Variants in SLC25A21 observed in about 807,000 individuals in gnomAD.
The protein encoded by SLC25A21 is mitochondrial 2-oxodicarboxylate carrier.
Under a neutral mutation model 43.8 loss-of-function variants are expected in SLC25A21, and 47 were observed. That is an observed-to-expected ratio of 1.07 (90% CI 0.85 to 1.37). SLC25A21 has a LOEUF of 1.37. Ranked by LOEUF, SLC25A21 falls within the 40% of genes most tolerant of loss-of-function variation. The pLI, the probability that SLC25A21 is intolerant of heterozygous loss-of-function variation, is 0.00. For missense variants in SLC25A21, 352 were observed against 350.2 expected, an observed-to-expected ratio of 1.00 and a Z score of -0.04; for synonymous variants, 131 against 121.3, an observed-to-expected ratio of 1.08 and a Z score of -0.52.
intron 1 of SLC25A21, among the ~76,000 whole-genome samples, chr14:37,162,877 A>G (rs920453509): frequency 1.3e-5 from 2 of 152,144 alleles, no homozygotes; most frequent in Non-Finnish European, 2.9e-5. Flanking sequence ...AATAGCAAAG[A>G]CTTGGAACCA....
rs1594477444 is a variant in SLC25A21 at position 36,678,338 on chromosome 14, T to C, written c.*2320A>G. ...ATCTTATAGAGAGCTTTGAACTGCA[T>C]TTATTTCTAAAGCAACCGAAATTCA... On this transcript the variant is annotated 3_prime_UTR_variant, in exon 10 of 10. Coordinates refer to ENST00000331299, the MANE Select transcript of SLC25A21 (RefSeq NM_030631.4). 5.6e-6 allele frequency: 4 copies of C among 716,250 alleles called. No individual in the cohort carries two copies. Among genetic ancestry groups the C allele is most frequent in the Non-Finnish European group, 9.4e-6 (4 of 426,924 alleles). The allele number at this position is 716,250 out of a possible 1,614,324, so 44.4% of individuals were successfully genotyped here.
At chr14:36,895,089 T>C (rs1049202707) in intron 1 of SLC25A21, among the ~76,000 whole-genome samples, 27 of 152,246 alleles carry the variant, frequency 1.8e-4, no homozygotes, top group Admixed American at 2.6e-4. Flanking sequence ...CTTTTTCTAT[T>C]GATTGGAATA....
chr14:36,976,982 C>G (rs1299572263), intron 1 of SLC25A21, among the ~76,000 whole-genome samples: 1 of 152,204 alleles, frequency 6.6e-6, no homozygotes, highest in Non-Finnish European at 1.5e-5. Context: ...TACTCAGGAG[C>G]AAATGCTATT....
chr14:37,154,128 G>C (rs1040174236), intron 1 of SLC25A21, among the ~76,000 whole-genome samples: 2 of 152,062 alleles, frequency 1.3e-5, no homozygotes, highest in African/African-American at 4.8e-5. Flanking sequence ...GGGGCACAAA[G>C]ATAGGGATAC....
chr14:36,885,177 A>G lies in SLC25A21; in HGVS notation c.71-10173T>C, dbSNP rs182971994. On this transcript the variant is annotated intron_variant, in intron 1 of 9. Coordinates refer to ENST00000331299, the MANE Select transcript of SLC25A21 (RefSeq NM_030631.4). ...TAAGGATCAAATTTCACTGTTCTGC[A>G]CGTGGATATCCAGTTTTCCCAACAC... Among the ~76,000 whole-genome samples the G allele has an allele frequency of 2.4e-4, 37 of 152,308 alleles. No homozygotes were observed. In the Middle Eastern group the frequency reaches 0.017, roughly 70 times the overall value.
intron 6 of SLC25A21, among the ~76,000 whole-genome samples, chr14:36,719,010 GC>G (rs1299260136): frequency 6.6e-6 from 1 of 152,130 alleles, no homozygotes; most frequent in Non-Finnish European, 1.5e-5. Context: ...GAAAACCTGT[GC>G]CCCAGCCACA....
chr14:36,859,824 G>C (rs534085727), intron 2 of SLC25A21, among the ~76,000 whole-genome samples: 1 of 152,258 alleles, frequency 6.6e-6, no homozygotes, highest in African/African-American at 2.4e-5. Context: ...GCTCATGATA[G>C]TAAAACAGGC....
At chr14:36,978,842 A>G (rs1959943019) in intron 1 of SLC25A21, among the ~76,000 whole-genome samples, 1 of 152,170 alleles carries the variant, frequency 6.6e-6, no homozygotes, top group Non-Finnish European at 1.5e-5. Context: ...GCACATTGCT[A>G]GGAGTGCTAA....
chr14:36,970,112 A>C (rs1959715724), intron 1 of SLC25A21, among the ~76,000 whole-genome samples: 1 of 152,180 alleles, frequency 6.6e-6, no homozygotes, highest in Admixed American at 6.5e-5. Flanking sequence ...AAAAACAAAC[A>C]ATATATCAGT....
intron 3 of SLC25A21, chr14:36,806,863 G>A (rs187439988): frequency 2.0e-5 from 3 of 152,254 alleles, no homozygotes; most frequent in African/African-American, 7.2e-5. Flanking sequence ...AAAAAGCCCA[G>A]GCAGGCCATG....
At chr14:36,762,895 C>G (rs149042527) in intron 3 of SLC25A21, among the ~76,000 whole-genome samples, 1 of 152,168 alleles carries the variant, frequency 6.6e-6, no homozygotes, top group African/African-American at 2.4e-5. Flanking sequence ...ACGTCATTAT[C>G]TTGAATTAAT....
intron 1 of SLC25A21, among the ~76,000 whole-genome samples, chr14:37,117,923 A>AG (rs1963135794): frequency 6.6e-6 from 1 of 151,930 alleles, no homozygotes; most frequent in East Asian, 1.9e-4. Context: ...TAGTTTAAAA[A>AG]CTTTATTAAA....
intron 1 of SLC25A21, among the ~76,000 whole-genome samples, chr14:37,155,624 T>A (rs933282478): frequency 5.3e-5 from 8 of 152,116 alleles, no homozygotes; most frequent in Non-Finnish European, 1.0e-4. Context: ...CAGAAGAGAA[T>A]GGCATGATAT....
At chr14:37,073,962 A>C (rs1283480470) in intron 1 of SLC25A21, among the ~76,000 whole-genome samples, 2 of 151,878 alleles carry the variant, frequency 1.3e-5, no homozygotes, top group African/African-American at 4.9e-5. Flanking sequence ...GCATCTGAGA[A>C]AAAACATCCC....
At chr14:36,794,523 G>C (rs1594594183) in intron 3 of SLC25A21, among the ~76,000 whole-genome samples, 1 of 152,072 alleles carries the variant, frequency 6.6e-6, no homozygotes, top group Non-Finnish European at 1.5e-5. Context: ...AGCCCAGCAC[G>C]TTGGGAGGCC....
intron 2 of SLC25A21, chr14:36,828,590 T>C (rs1888920597): frequency 1.3e-5 from 2 of 152,242 alleles, no homozygotes; most frequent in South Asian, 2.1e-4. Flanking sequence ...TGTTGTACTA[T>C]TGTAGAAGTG....
chr14:37,014,590 C>T (rs1210184746), intron 1 of SLC25A21, among the ~76,000 whole-genome samples: 1 of 152,082 alleles, frequency 6.6e-6, no homozygotes, highest in Admixed American at 6.6e-5. Flanking sequence ...TTCCAAACTC[C>T]TGTCAATGTT....
At chr14:37,118,118 G>T (rs1050771088) in intron 1 of SLC25A21, among the ~76,000 whole-genome samples, 4 of 152,014 alleles carry the variant, frequency 2.6e-5, no homozygotes, top group Admixed American at 6.6e-5. Flanking sequence ...ACGTACAGAT[G>T]TAATGGATTA....
At chr14:36,840,671 A>G (rs1370347028) in intron 2 of SLC25A21, among the ~76,000 whole-genome samples, 1 of 152,216 alleles carries the variant, frequency 6.6e-6, no homozygotes, top group African/African-American at 2.4e-5. Flanking sequence ...GTTGCTATCT[A>G]AAAGTTTTCC....
Sources: gnomAD v4.1 joint callset for allele counts (sites outside exome capture counted in the v4.1 genomes callset) on GRCh38, gnomAD v4.1.1 for gene constraint, MANE v1.5 for transcripts, NCBI Gene and HGNC (gene_info 2026-07-23, HGNC 2026-07-21) for gene names.